Variants in ANXA5 observed in about 807,000 individuals in gnomAD.
ANXA5 encodes CBP-I.
A neutral mutation model predicts 48.1 loss-of-function variants in ANXA5; 40 were observed. The observed-to-expected ratio is 0.83, with a 90% confidence interval of 0.65 to 1.08. The LOEUF is 1.08. Among genes scored for constraint, ANXA5 ranks in the 50% least tolerant of loss-of-function variants. The pLI is 0.00. For missense variants in ANXA5, 357 were observed against 376.8 expected (o/e 0.95, Z 0.44); for synonymous variants, 113 against 129.1 (o/e 0.88, Z 0.85).
At position 121,681,712 on chromosome 4, in the gene ANXA5, G is replaced by A. The variant is rs1388549118; in HGVS notation, c.353C>T (p.Thr118Ile). 1.9e-6 allele frequency: 3 copies of A among 1,612,662 alleles called. No homozygotes were observed. Among genetic ancestry groups the A allele is most frequent in the Non-Finnish European group, 2.5e-6 (3 of 1,179,168 alleles). ...KVLTEIIASR[T>I]PEELRAIKQV... ...TTTGATGGCTCTCAGTTCTTCAGGT[G>A]TCCTTGAAGCAATAATTTCTGTCAG... The change falls in exon 6 of 13, where the codon ACA (threonine) becomes ATA (isoleucine). Residue 118 changes from threonine (T) to isoleucine (I), a missense_variant. Physicochemically the swap from Thr to Ile is moderately conservative, Grantham distance 89. Coordinates refer to ENST00000296511, the MANE Select transcript of ANXA5 (RefSeq NM_001154.4).
At chr4:121,668,601 C>T in intron 12 of ANXA5, 74 bp from the exon 13 acceptor site, 1 of 1,299,412 alleles carries the variant, frequency 7.7e-7, no homozygotes, top group Non-Finnish European at 1.1e-6. Flanking sequence ...AAATAACTGG[C>T]AACAAATTTT....
At chr4:121,672,956 C>A (rs1275914840) in intron 8 of ANXA5, among the ~76,000 whole-genome samples, 3 of 152,196 alleles carry the variant, frequency 2.0e-5, no homozygotes, top group African/African-American at 7.2e-5. Context: ...TTATGACTAC[C>A]TCACTGTTGA....
At chr4:121,684,397 G>A (rs1211981570) in intron 4 of ANXA5, among the ~76,000 whole-genome samples, 2 of 152,148 alleles carry the variant, frequency 1.3e-5, no homozygotes, top group Admixed American at 6.5e-5. Context: ...TGAATGCTGA[G>A]TGGGAAACAC....
chr4:121,688,179 A>G (rs972226565), intron 2 of ANXA5, among the ~76,000 whole-genome samples: 1 of 152,070 alleles, frequency 6.6e-6, no homozygotes, highest in African/African-American at 2.4e-5. Context: ...ACACCCAACC[A>G]TGCTGGCACC....
intron 5 of ANXA5, 124 bp from the exon 6 acceptor site, chr4:121,681,885 T>C (rs1186579021): frequency 1.6e-6 from 1 of 612,726 alleles, no homozygotes; most frequent in East Asian, 2.8e-5. Context: ...AACATGGATT[T>C]CTTTGTATAT....
At chr4:121,673,755 C>T (rs1335499796) in intron 8 of ANXA5, among the ~76,000 whole-genome samples, 10 of 152,148 alleles carry the variant, frequency 6.6e-5, no homozygotes. Flanking sequence ...GAAAGTCATG[C>T]ATGCATCTAA....
chr4:121,688,498 C>CT (rs1724929663), intron 2 of ANXA5, among the ~76,000 whole-genome samples: 1 of 152,156 alleles, frequency 6.6e-6, no homozygotes, highest in Admixed American at 6.5e-5. Flanking sequence ...AACCTAATCT[C>CT]TCTCCCCTGT....
intron 2 of ANXA5, among the ~76,000 whole-genome samples, chr4:121,693,423 G>C (rs913932344): frequency 2.6e-5 from 4 of 152,132 alleles, no homozygotes; most frequent in African/African-American, 9.7e-5. Flanking sequence ...AGATGCATTT[G>C]TGAAATTTTA....
rs1578437799 is a variant in ANXA5, at chr4:121,668,048, C to T, written c.*420G>A. On this transcript the variant is annotated 3_prime_UTR_variant, in exon 13 of 13. Coordinates refer to ENST00000296511, the MANE Select transcript of ANXA5 (RefSeq NM_001154.4). ...TCATTAATCTTTTGAATACAATCAT[C>T]ATAATTTTACAGGTTTAGTTTAGTT... The T allele has an allele frequency of 6.5e-6, 1 of 154,888 alleles. No homozygotes were observed. The highest frequency in any genetic ancestry group is 1.4e-5 in the Non-Finnish European group (1 of 69,896). The allele number at this position is 154,888 out of a possible 1,614,324, so 9.6% of individuals were successfully genotyped here.
Position 121,669,985 on chromosome 4 carries a change from T to C in ANXA5, c.749A>G (p.Tyr250Cys). The change falls in exon 11 of 13, where the codon TAC becomes TGC. Residue 250 changes from tyrosine to cysteine, a missense_variant. Physicochemically the swap from Tyr to Cys is radical, Grantham distance 194. Coordinates refer to ENST00000296511, the MANE Select transcript of ANXA5 (RefSeq NM_001154.4). The stretch of plus-strand genomic sequence containing the variant: ...AGCATAATAGAGGGTCTCTGCAAGG[T>C]AGGCAGGTATACTTCGAATAGATTT... ...VVKSIRSIPA[Y>C]LAETLYYAMK... The C allele has an allele frequency of 6.2e-7, 1 of 1,604,982 alleles. No homozygotes were observed. The highest frequency in any genetic ancestry group is 8.5e-7 in the Non-Finnish European group (1 of 1,175,814).
At chr4:121,685,535 T>C (rs540671332) in intron 3 of ANXA5, among the ~76,000 whole-genome samples, 4 of 152,154 alleles carry the variant, frequency 2.6e-5, no homozygotes, top group African/African-American at 9.6e-5. Context: ...GCCAGGATGG[T>C]TGGGTCTGAG....
intron 6 of ANXA5, among the ~76,000 whole-genome samples, chr4:121,681,002 G>A (rs1724784001): frequency 6.6e-6 from 1 of 152,144 alleles, no homozygotes; most frequent in Non-Finnish European, 1.5e-5. Flanking sequence ...TGAGAAACTG[G>A]ATAGTCTGAC....
chr4:121,671,478 G>T, intron 10 of ANXA5, 69 bp downstream of exon 10: 1 of 1,156,356 alleles, frequency 8.6e-7, no homozygotes, highest in African/African-American at 1.5e-5. Flanking sequence ...ATTTTCAGAT[G>T]CAGCCTCAAT....
In ANXA5 at chr4:121,668,435, G is replaced by A. The variant is rs571381447; in HGVS notation, c.*33C>T. Reference sequence around the variant, plus strand: ...TGAAGGAAGGCAGTGGGGTGGTGCAGGCACACAGCAGGGAGCTCTTCCCCG... The same window carrying A: ...TGAAGGAAGGCAGTGGGGTGGTGCAAGCACACAGCAGGGAGCTCTTCCCCG... On this transcript the variant is annotated 3_prime_UTR_variant, in exon 13 of 13. Coordinates refer to ENST00000296511, the MANE Select transcript of ANXA5 (RefSeq NM_001154.4). 6 of 1,607,888 alleles carry A rather than the reference G, an allele frequency of 3.7e-6. No individual in the cohort carries two copies. In the African/African-American group the frequency reaches 8.0e-5, roughly 21 times the overall value.
Position 121,696,563 on chromosome 4 carries a change from G to C in ANXA5, c.9+18C>G, listed in dbSNP as rs2306417. 168,299 of 1,387,738 alleles carry C rather than the reference G, an allele frequency of 0.12. 11,217 individuals are homozygous for C. Among genetic ancestry groups the C allele is most frequent in the African/African-American group, 0.25 (16,569 of 67,272 alleles). 86.0% of individuals were successfully genotyped at this position (1,387,738 alleles called of 1,614,324 possible). ...AGTTGTGGGTAAATCCAGCGCAGTG[G>C]GGGGCGCACGGCCTTACCTGTGCCA... On this transcript the variant is annotated intron_variant, in intron 2 of 12. Transcript: ENST00000296511.
rs1213747397 is a variant in ANXA5 at position 121,683,560 on chromosome 4, C to G, written c.190-83G>C. On this transcript the variant is annotated intron_variant, in intron 4 of 12. Transcript: ENST00000296511. The stretch of plus-strand genomic sequence containing the variant: ...TAAATATGAATGACAGTCCTTTGCT[C>G]TAATGAATTCTTTATGTTGCTGTCT... The G allele has an allele frequency of 2.1e-5, 16 of 749,310 alleles. No homozygotes were observed. In the Admixed American group the frequency reaches 3.8e-4, roughly 18 times the overall value. The allele number at this position is 749,310 out of a possible 1,614,324, so 46.4% of individuals were successfully genotyped here. A position where few individuals can be genotyped will look rare whatever the true frequency, so the allele number is the denominator to read the frequency against.
At chr4:121,690,180 T>C (rs1724958450) in intron 2 of ANXA5, among the ~76,000 whole-genome samples, 1 of 152,168 alleles carries the variant, frequency 6.6e-6, no homozygotes, top group Non-Finnish European at 1.5e-5. Flanking sequence ...CAAAGAAACA[T>C]ACTGGCTCAG....
chr4:121,678,464 A>C lies in ANXA5; in HGVS notation c.425T>G (p.Val142Gly), dbSNP rs1560825989. The C allele has an allele frequency of 6.2e-7, 1 of 1,613,782 alleles. No homozygotes were observed. The highest frequency in any genetic ancestry group is 8.5e-7 in the Non-Finnish European group (1 of 1,179,842). ...EYGSSLEDDVVGDTSGYYQRM... is the reference protein window; with the variant it reads ...EYGSSLEDDVGGDTSGYYQRM... ...CTGGTAGTACCCTGAAGTGTCCCCCACCACGTCATCTTCCAGGCTTGAGCC... is the reference window on the plus strand; with the variant it reads ...CTGGTAGTACCCTGAAGTGTCCCCCCCCACGTCATCTTCCAGGCTTGAGCC... The change falls in exon 7 of 13, where the codon GTG becomes GGG. Residue 142 changes from valine (V) to glycine (G), a missense_variant. Physicochemically the swap from Val to Gly is moderately radical, Grantham distance 109. Transcript: ENST00000296511.
In ANXA5 at chr4:121,671,618, G is replaced by A. The variant is rs767698464; in HGVS notation, c.650C>T (p.Ser217Leu). 14 of 1,612,500 alleles carry A rather than the reference G, an allele frequency of 8.7e-6. No homozygotes were observed. The highest frequency in any genetic ancestry group is 1.2e-5 in the Non-Finnish European group (14 of 1,178,808). The change falls in exon 10 of 13, where the codon TCA (serine) becomes TTA (leucine). Residue 217 changes from serine to leucine, a missense_variant. Coordinates refer to ENST00000296511, the MANE Select transcript of ANXA5 (RefSeq NM_001154.4). The part of the protein sequence containing the change: ...RKVFDKYMTI[S>L]GFQIEETIDR... Reference sequence around the variant, plus strand: ...AATGGTTTCCTCAATTTGAAATCCTGATATAGTCATGTACTTGTCAAACAC... The same window carrying A: ...AATGGTTTCCTCAATTTGAAATCCTAATATAGTCATGTACTTGTCAAACAC...
Sources: gnomAD v4.1 joint callset for allele counts (sites outside exome capture counted in the v4.1 genomes callset) on GRCh38, gnomAD v4.1.1 for gene constraint, MANE v1.5 for transcripts, NCBI Gene and HGNC (gene_info 2026-07-23, HGNC 2026-07-21) for gene names.